The following GRIN2A variants were observed in gnomAD, a reference collection of about 807,000 sequenced individuals.
GRIN2A encodes glutamate ionotropic receptor NMDA type subunit 2A, also known as glutamate receptor ionotropic, NMDA 2A.
In GRIN2A, 22 loss-of-function variants were observed where a neutral mutation model predicts 113.4. The observed-to-expected ratio is 0.19, with a 90% confidence interval of 0.14 to 0.28. The LOEUF is 0.28. Among genes scored for constraint, GRIN2A ranks in the 10% least tolerant of loss-of-function variants. The pLI, the probability that GRIN2A is intolerant of heterozygous loss-of-function variation, is 1.00. For missense variants in GRIN2A, 1,502 were observed against 1,887.0 expected (o/e 0.80, Z 3.78); for synonymous variants, 827 against 738.4 (o/e 1.12, Z -1.94).
chr16:9,940,581 A>C (rs1051468050), intron 2 of GRIN2A, among the ~76,000 whole-genome samples: 4 of 152,186 alleles, frequency 2.6e-5, no homozygotes, highest in Non-Finnish European at 4.4e-5. Context: ...AGTGGATGAC[A>C]AGGGAATGAA....
intron 4 of GRIN2A, among the ~76,000 whole-genome samples, chr16:9,874,849 G>C (rs968038774): frequency 2.0e-5 from 3 of 151,954 alleles, no homozygotes; most frequent in Admixed American, 6.5e-5. Flanking sequence ...ACTTCAGGAG[G>C]CCAAGGCAGG....
intron 2 of GRIN2A, among the ~76,000 whole-genome samples, chr16:9,940,005 T>C (rs1452336740): frequency 4.0e-5 from 6 of 150,766 alleles, no homozygotes; most frequent in Non-Finnish European, 7.4e-5. Flanking sequence ...AGATAACTTA[T>C]GGGGATTCCA....
intron 2 of GRIN2A, among the ~76,000 whole-genome samples, chr16:10,007,043 C>G (rs1456290308): frequency 2.0e-5 from 3 of 152,184 alleles, no homozygotes; most frequent in Non-Finnish European, 4.4e-5. Context: ...TTGATGAACA[C>G]TTAGGTTGCT....
intron 2 of GRIN2A, among the ~76,000 whole-genome samples, chr16:10,126,072 A>G (rs1444795227): frequency 1.3e-5 from 2 of 152,148 alleles, no homozygotes; most frequent in Admixed American, 6.5e-5. Flanking sequence ...TGTTTTGCTT[A>G]CTGAATTTTC....
chr16:10,097,653 G>T (rs774215187), intron 2 of GRIN2A, among the ~76,000 whole-genome samples: 16 of 152,152 alleles, frequency 1.1e-4, no homozygotes, highest in Non-Finnish European at 2.1e-4. Context: ...GGCAGTGGTG[G>T]GGACAGGGAT....
At chr16:10,179,878 T>TTCCC in intron 2 of GRIN2A, 120 bp downstream of exon 2, 3 of 443,682 alleles carry the variant, frequency 6.8e-6, no homozygotes, top group Admixed American at 2.5e-5. Flanking sequence ...GCCACGACCC[T>TTCCC]CCCACCCCCA....
At position 9,997,305 on chromosome 16, in the gene GRIN2A, A is replaced by G. The variant is rs1420496942; in HGVS notation, c.415-58754T>C. 2.0e-5 allele frequency among the ~76,000 whole-genome samples: 3 copies of G among 152,200 alleles called. No homozygotes were observed. The East Asian group carries it at 5.8e-4, about 29-fold the overall frequency. ...CACCATTCAACACTCCCCACTCCCA[A>G]TGTTCCCACTCCAAATGGTACAGTA... On this transcript the variant is annotated intron_variant, in intron 2 of 12. Transcript: ENST00000330684.
At chr16:9,971,406 C>T (rs142870877) in intron 2 of GRIN2A, among the ~76,000 whole-genome samples, 73 of 152,358 alleles carry the variant, frequency 4.8e-4, no homozygotes, top group Non-Finnish European at 7.9e-4. Context: ...TTAGCCATGT[C>T]ATGAGCCATC....
At chr16:9,829,985 T>C (rs1296420233) in intron 8 of GRIN2A, among the ~76,000 whole-genome samples, 1 of 152,234 alleles carries the variant, frequency 6.6e-6, no homozygotes, top group East Asian at 1.9e-4. Context: ...AAACCAGCCT[T>C]CTTAATAAAC....
chr16:9,843,278 A>G (rs752770302), intron 5 of GRIN2A, among the ~76,000 whole-genome samples: 1 of 152,232 alleles, frequency 6.6e-6, no homozygotes, highest in South Asian at 2.1e-4. Context: ...ATCAAACAAC[A>G]TTGATTTACA....
At chr16:10,160,599 A>T (rs1038810297) in intron 2 of GRIN2A, among the ~76,000 whole-genome samples, 1 of 152,214 alleles carries the variant, frequency 6.6e-6, no homozygotes. Flanking sequence ...AACTGCTTGG[A>T]GGGCATCAGA....
intron 2 of GRIN2A, chr16:10,121,588 A>T (rs1375376273): frequency 2.0e-5 from 3 of 152,074 alleles, no homozygotes; most frequent in African/African-American, 7.2e-5. Flanking sequence ...TTTTCATAAC[A>T]CTAATGCAAG....
chr16:10,079,352 G>A (rs893010674), intron 2 of GRIN2A, among the ~76,000 whole-genome samples: 1 of 152,212 alleles, frequency 6.6e-6, no homozygotes, highest in African/African-American at 2.4e-5. Flanking sequence ...GGCCTTTAAG[G>A]GGAGACCTGA....
In GRIN2A at chr16:9,763,248, A is replaced by G; in HGVS notation, c.4296T>C (p.Ala1432=). 2.5e-6 allele frequency: 4 copies of G among 1,614,128 alleles called. No homozygotes were observed. The highest frequency in any genetic ancestry group is 3.4e-6 in the Non-Finnish European group (4 of 1,179,978). The change falls in exon 13 of 13, where the codon GCT becomes GCC. Residue 1432 remains alanine, a synonymous_variant. Transcript: ENST00000330684. ...TAGAGTACATATTATTCTTATTTGC[A>G]GCATAAGGCATAACATGCTCCGAAA... The part of the protein sequence containing the change: ...VYISEHVMPY[A]ANKNNMYSTP...
intron 2 of GRIN2A, chr16:10,171,672 A>G (rs987018419): frequency 6.6e-6 from 1 of 152,196 alleles, no homozygotes; most frequent in Non-Finnish European, 1.5e-5. Context: ...ATCATCCTTA[A>G]TCACTCTTTC....
intron 2 of GRIN2A, among the ~76,000 whole-genome samples, chr16:10,138,651 A>G (rs1303939993): frequency 6.6e-6 from 1 of 152,138 alleles, no homozygotes; most frequent in Non-Finnish European, 1.5e-5. Flanking sequence ...TATCAGAGAC[A>G]CTGTGCACTC....
At chr16:9,966,548 A>T (rs944508647) in intron 2 of GRIN2A, among the ~76,000 whole-genome samples, 1 of 152,184 alleles carries the variant, frequency 6.6e-6, no homozygotes, top group Non-Finnish European at 1.5e-5. Flanking sequence ...GGTTGATTCC[A>T]TATGTTTGCT....
At chr16:9,773,612 C>A (rs565776834) in intron 11 of GRIN2A, among the ~76,000 whole-genome samples, 2 of 152,136 alleles carry the variant, frequency 1.3e-5, no homozygotes, top group Non-Finnish European at 2.9e-5. Context: ...CCTTTGTCTC[C>A]CCACCGGAGA....
chr16:10,012,783 C>T (rs2046532211), intron 2 of GRIN2A, among the ~76,000 whole-genome samples: 1 of 152,134 alleles, frequency 6.6e-6, no homozygotes, highest in Admixed American at 6.5e-5. Context: ...AGCTTCTTCC[C>T]CTAGAGCCTC....
Sources: gnomAD v4.1 joint callset for allele counts (sites outside exome capture counted in the v4.1 genomes callset) on GRCh38, gnomAD v4.1.1 for gene constraint, MANE v1.5 for transcripts, NCBI Gene and HGNC (gene_info 2026-07-23, HGNC 2026-07-21) for gene names.